The following CD63 variants were observed in gnomAD, a reference collection of about 807,000 sequenced individuals.
The protein encoded by CD63 is CD63 antigen.
CD63 carries 16 observed loss-of-function variants against 29.2 expected under a neutral mutation model. The observed-to-expected ratio is 0.55, with a 90% CI of 0.37 to 0.83. CD63 has a LOEUF of 0.83. CD63 is among the 40% of genes least tolerant of loss of function. The pLI, the probability that CD63 is intolerant of heterozygous loss-of-function variation, is 0.00. For missense variants in CD63, 251 were observed against 297.3 expected, an observed-to-expected ratio of 0.84 and a Z score of 1.15; for synonymous variants, 118 against 111.7, an observed-to-expected ratio of 1.06 and a Z score of -0.36.
At chr12:55,724,790 C>A (rs1877129754), downstream of CD63, 1 of 573,764 alleles carries the variant, frequency 1.7e-6, no homozygotes, top group Admixed American at 2.9e-5. Flanking sequence ...ACAGCTAGCA[C>A]CCACAGTGGG....
downstream of CD63, chr12:55,725,272 G>A (rs770440653): frequency 7.9e-5 from 38 of 483,228 alleles, no homozygotes; most frequent in Non-Finnish European, 1.3e-4. Context: ...AAGACTAGGG[G>A]GCAGAAAGCA....
Position 55,727,248 on chromosome 12 carries a change from A to C in CD63, c.158T>G (p.Leu53Trp), listed in dbSNP as rs1441887617. The change falls in exon 3 of 8, where the codon TTG becomes TGG. Residue 53 changes from leucine to tryptophan, a missense_variant. Coordinates refer to ENST00000257857, the MANE Select transcript of CD63 (RefSeq NM_001780.6). ...ACCCACTGCGATGATGACCACTGGC[A>C]ACAGAGAGCCAGGGGTAGCCCCCTG... ...IIQGATPGSL[L>W]PVVIIAVGVF... is the part of the protein sequence containing the mutation. 5 of 1,613,788 alleles carry C rather than the reference A, an allele frequency of 3.1e-6. No homozygotes were observed. Among genetic ancestry groups the C allele is most frequent in the Non-Finnish European group, 4.2e-6 (5 of 1,179,988 alleles).
At position 55,725,448 on chromosome 12, in the gene CD63, T is replaced by C. The variant is rs1877192842; in HGVS notation, c.*113A>G. ...GAAAGGAAGGAATCAAGCATCACTC[T>C]AAGACAAACTCAGACCATCTCTTTT... On this transcript the variant is annotated 3_prime_UTR_variant, in exon 8 of 8. Coordinates refer to ENST00000257857, the MANE Select transcript of CD63 (RefSeq NM_001780.6). 1.1e-6 allele frequency: 1 copy of C among 891,302 alleles called. No individual in the cohort carries two copies. The highest frequency in any genetic ancestry group is 1.9e-6 in the Non-Finnish European group (1 of 534,010). 55.2% of individuals were successfully genotyped at this position (891,302 alleles called of 1,614,324 possible). A position where few individuals can be genotyped will look rare whatever the true frequency, so the allele number is the denominator to read the frequency against.
At chr12:55,725,311 A>G, downstream of CD63, 1 of 549,038 alleles carries the variant, frequency 1.8e-6, no homozygotes. Flanking sequence ...CACTTCTCCC[A>G]CTGCCTGCCC....
At chr12:55,729,875 G>C (rs1565661012), upstream of CD63, 1 of 152,236 alleles carries the variant, frequency 6.6e-6, no homozygotes, top group Non-Finnish European at 1.5e-5. Context: ...GGATTTCCCC[G>C]TCTTATCCCA....
rs1877684826 is a variant in CD63, at chr12:55,728,615, C to A, written c.-11-263G>T. The A allele has an allele frequency of 7.5e-7, 1 of 1,334,714 alleles. No homozygotes were observed. Among genetic ancestry groups the A allele is most frequent in the Non-Finnish European group, 9.6e-7 (1 of 1,041,268 alleles). 82.7% of individuals were successfully genotyped at this position (1,334,714 alleles called of 1,614,324 possible). ...CCAAGGGCGCCGGCAGGGGCTTGAGCCTGACGCCGACCCTCGGCCCGCCAG... is the reference window on the plus strand; with the variant it reads ...CCAAGGGCGCCGGCAGGGGCTTGAGACTGACGCCGACCCTCGGCCCGCCAG... On this transcript the variant is annotated intron_variant, in intron 1 of 7. Transcript: ENST00000257857. The surrounding 1 kb of genome is among the most constrained non-coding windows in gnomAD (Gnocchi z 4.8).
In CD63 at chr12:55,725,651, G is replaced by T. The variant is rs759183689; in HGVS notation, c.652-25C>A. ...CCTAGAAGGAAAGATGGGGACAGGGGTGGAGAGGAGTCAGAAGGGCTAGCT... is the reference window on the plus strand; with the variant it reads ...CCTAGAAGGAAAGATGGGGACAGGGTTGGAGAGGAGTCAGAAGGGCTAGCT... On this transcript the variant is annotated intron_variant, in intron 7 of 7. Transcript: ENST00000257857. 6.8e-6 allele frequency: 11 copies of T among 1,609,838 alleles called. No individual in the cohort carries two copies. The East Asian group carries it at 2.5e-4, about 36-fold the overall frequency.
rs545394029 is a variant in CD63 at position 55,726,570 on chromosome 12, T to TC, written c.426+129dup. The stretch of plus-strand genomic sequence containing the variant: ...ACGTTGGCCAGGCTAGTCTTGAACT[T>TC]CTGACCTCAGGTGATCTGCCCACCT... On this transcript the variant is annotated intron_variant, in intron 5 of 7. Transcript: ENST00000257857. The TC allele has an allele frequency of 3.1e-4, 233 of 757,462 alleles. No individual in the cohort carries two copies. The African/African-American group carries it at 3.5e-3, about 12-fold the overall frequency. 46.9% of individuals were successfully genotyped at this position (757,462 alleles called of 1,614,324 possible).
At chr12:55,724,058 C>A, downstream of CD63, 1 of 1,606,898 alleles carries the variant, frequency 6.2e-7, no homozygotes, top group Non-Finnish European at 8.5e-7. Context: ...GTGTGAGTAG[C>A]CAGGCCCACA....
intron 5 of CD63, chr12:55,726,465 C>T: frequency 1.6e-6 from 1 of 630,366 alleles, no homozygotes; most frequent in Non-Finnish European, 2.7e-6. Flanking sequence ...CTGCCTCACC[C>T]TCCTGAGTAG....
Position 55,725,909 on chromosome 12 carries a change from G to A in CD63, c.568-13C>T. The A allele has an allele frequency of 1.9e-6, 3 of 1,612,986 alleles. No homozygotes were observed. The highest frequency in any genetic ancestry group is 2.5e-6 in the Non-Finnish European group (3 of 1,179,346). Reference sequence around the variant, plus strand: ...TCTCCACACAGCCCTGAAGGTGGCAGGCACAAAGGACAAAAGCACCATCAG... The same window carrying A: ...TCTCCACACAGCCCTGAAGGTGGCAAGCACAAAGGACAAAAGCACCATCAG... On this transcript the variant is annotated splice_polypyrimidine_tract_variant and intron_variant, in intron 6 of 7. Transcript: ENST00000257857.
chr12:55,725,638 G>C lies in CD63; in HGVS notation c.652-12C>G, dbSNP rs746632212. On this transcript the variant is annotated splice_polypyrimidine_tract_variant and intron_variant, in intron 7 of 7. Transcript: ENST00000257857. Reference sequence around the variant, plus strand: ...ACAATTCCCAAAACCTAGAAGGAAAGATGGGGACAGGGGTGGAGAGGAGTC... The same window carrying C: ...ACAATTCCCAAAACCTAGAAGGAAACATGGGGACAGGGGTGGAGAGGAGTC... The C allele has an allele frequency of 6.2e-7, 1 of 1,613,510 alleles. No homozygotes were observed. The highest frequency in any genetic ancestry group is 8.5e-7 in the Non-Finnish European group (1 of 1,179,512).
At chr12:55,723,682 C>G (rs894571940), downstream of CD63, 15 of 605,522 alleles carry the variant, frequency 2.5e-5, no homozygotes, top group Non-Finnish European at 4.4e-5. Context: ...ACGTGCTGAC[C>G]CCTGCTCTAG....
chr12:55,727,088 G>C, intron 3 of CD63, 63 bp downstream of exon 3: 2 of 1,547,362 alleles, frequency 1.3e-6, no homozygotes, highest in Non-Finnish European at 1.8e-6. Flanking sequence ...CCACCTTCCT[G>C]AGCCCGAACC....
At position 55,726,111 on chromosome 12, in the gene CD63, T is replaced by C; in HGVS notation, c.567+10A>G. 1 of 1,613,774 alleles carries C rather than the reference T, an allele frequency of 6.2e-7. No individual in the cohort carries two copies. The highest frequency in any genetic ancestry group is 1.1e-5 in the South Asian group (1 of 91,058). ...GGTTTCCCAAGTCCCATACACAGTC[T>C]CCTCCCTACCTCCTTATGGATCGCC... On this transcript the variant is annotated intron_variant, in intron 6 of 7. Transcript: ENST00000257857.
rs745775476 is a variant in CD63, at chr12:55,727,166, A to G, written c.240T>C (p.Tyr80=). 5 of 1,613,498 alleles carry G rather than the reference A, an allele frequency of 3.1e-6. No individual in the cohort carries two copies. The highest frequency in any genetic ancestry group is 1.7e-4 in the Middle Eastern group (1 of 6,060). ...CCCAACTCACCGTGATCATAAGACA[A>G]TAGTTCTCCTTGCAGGCCCCGCAGC... The part of the protein sequence containing the change: ...VGCCGACKEN[Y]CLMITFAIFL... The change falls in exon 3 of 8, where the codon TAT becomes TAC. Residue 80 remains tyrosine, a synonymous_variant. Coordinates refer to ENST00000257857, the MANE Select transcript of CD63 (RefSeq NM_001780.6).
At position 55,727,337 on chromosome 12, in the gene CD63, G is replaced by C; in HGVS notation, c.69C>G (p.Ala23=). 6.2e-7 allele frequency: 1 copy of C among 1,610,996 alleles called. No homozygotes were observed. Among genetic ancestry groups the C allele is most frequent in the Non-Finnish European group, 8.5e-7 (1 of 1,178,082 alleles). ...CCACGGCAATCAGTCCCACTGCACA[G>C]GCCTAAGAGAAAATCAGGTGAGGAT... The part of the protein sequence containing the change: ...LLYVLLLAFC[A]CAVGLIAVGV... The change falls in exon 3 of 8, where the codon GCC becomes GCG. Residue 23 remains alanine (A), a splice_region_variant and synonymous_variant. Coordinates refer to ENST00000257857, the MANE Select transcript of CD63 (RefSeq NM_001780.6).
chr12:55,725,589 C>A lies in CD63; in HGVS notation c.689G>T (p.Ser230Ile). 6.2e-7 allele frequency: 1 copy of A among 1,614,102 alleles called. No individual in the cohort carries two copies. Among genetic ancestry groups the A allele is most frequent in the Non-Finnish European group, 8.5e-7 (1 of 1,180,008 alleles). ...GIVFACCLVK[S>I]IRSGYEVM Reference sequence around the variant, plus strand: ...CATCACCTCGTAGCCACTTCTGATACTCTTCACGAGGCAGCAGGCAAAGAC... The same window carrying A: ...CATCACCTCGTAGCCACTTCTGATAATCTTCACGAGGCAGCAGGCAAAGAC... Residue 230 changes from serine (S) to isoleucine (I), a missense_variant, in exon 8 of 8, where the codon AGT (serine) becomes ATT (isoleucine). By Grantham distance (142) the Ser-to-Ile change is moderately radical. Coordinates refer to ENST00000257857, the MANE Select transcript of CD63 (RefSeq NM_001780.6).
upstream of CD63, chr12:55,729,164 G>GC (rs1416415101): frequency 1.0e-5 from 10 of 982,708 alleles, no homozygotes; most frequent in Non-Finnish European, 1.2e-5. Flanking sequence ...GGTGGGCCGA[G>GC]CCCCCCGCCC....
Sources: gnomAD v4.1 joint callset for allele counts on GRCh38, gnomAD v4.1.1 for gene constraint, Gnocchi (gnomAD v3.1) non-coding constraint, MANE v1.5 for transcripts, NCBI Gene and HGNC (gene_info 2026-07-23, HGNC 2026-07-21) for gene names.